Variants in GLYATL3 observed in about 807,000 individuals in gnomAD.
GLYATL3 encodes glycine-N-acyltransferase like 3.
A neutral mutation model predicts 28.5 loss-of-function variants in GLYATL3; 31 were observed. The ratio of observed to expected loss-of-function variants is 1.09; its 90% CI spans 0.82 to 1.47. GLYATL3 has a LOEUF of 1.47. Ranked by LOEUF, GLYATL3 falls within the 40% of genes most tolerant of loss-of-function variation. GLYATL3 has a pLI of 0.00. For synonymous variants in GLYATL3, 141 were observed against 140.2 expected, an observed-to-expected ratio of 1.01 and a Z score of -0.04; for missense variants, 369 against 351.5, an observed-to-expected ratio of 1.05 and a Z score of -0.40.
intron 1 of GLYATL3, among the ~76,000 whole-genome samples, chr6:49,502,977 A>C (rs1246228144): frequency 6.6e-6 from 1 of 152,154 alleles, no homozygotes; most frequent in African/African-American, 2.4e-5. Context: ...AACACATGTA[A>C]TTATGTTGGT....
chr6:49,508,382 A>C (rs1769055027), intron 1 of GLYATL3, among the ~76,000 whole-genome samples: 1 of 152,232 alleles, frequency 6.6e-6, no homozygotes, highest in Non-Finnish European at 1.5e-5. Context: ...ATTAATCAGC[A>C]GTAACAGTTG....
chr6:49,526,730 G>C lies in GLYATL3; in HGVS notation c.683G>C (p.Arg228Pro). ...GAACATCGCAGGAAAGGTTACAGCC[G>C]GCTGGTGGCCCTCACGCTGGCCAGG... ...LPEHRRKGYSRLVALTLARKL... is the reference protein window; with the variant it reads ...LPEHRRKGYSPLVALTLARKL... Residue 228 changes from arginine (R) to proline (P), a missense_variant, in exon 6 of 6, where the codon CGG becomes CCG. Transcript: ENST00000371197. The C allele has an allele frequency of 6.4e-7, 1 of 1,551,736 alleles. No homozygotes were observed. The highest frequency in any genetic ancestry group is 1.2e-5 in the South Asian group (1 of 84,058).
chr6:49,527,005 G>A lies in GLYATL3; in HGVS notation c.*91G>A. ...GAGGGGAGAGTTAAAATGGGAATCA[G>A]GGGACTCTTGAGTTGTTGGAAAGGG... On this transcript the variant is annotated 3_prime_UTR_variant, in exon 6 of 6. Coordinates refer to ENST00000371197, the MANE Select transcript of GLYATL3 (RefSeq NM_001010904.2). 1 of 969,200 alleles carries A rather than the reference G, an allele frequency of 1.0e-6. No homozygotes were observed. Among genetic ancestry groups the A allele is most frequent in the Non-Finnish European group, 1.5e-6 (1 of 672,072 alleles). 60.0% of individuals were successfully genotyped at this position (969,200 alleles called of 1,614,324 possible).
chr6:49,525,488 G>A (rs768166479), intron 5 of GLYATL3, among the ~76,000 whole-genome samples: 1 of 139,700 alleles, frequency 7.2e-6, no homozygotes, highest in African/African-American at 2.6e-5. Flanking sequence ...CGCTTGAACC[G>A]GGGAGGTGGA....
At chr6:49,502,510 C>CAGA (rs1204540562) in intron 1 of GLYATL3, among the ~76,000 whole-genome samples, 1 of 152,192 alleles carries the variant, frequency 6.6e-6, no homozygotes, top group Non-Finnish European at 1.5e-5. Flanking sequence ...TATAGAAAAT[C>CAGA]AGAAGTATTC....
chr6:49,510,972 G>T (rs918679241), intron 1 of GLYATL3, among the ~76,000 whole-genome samples: 9 of 152,146 alleles, frequency 5.9e-5, no homozygotes, highest in Non-Finnish European at 1.2e-4. Flanking sequence ...AATCACAGGG[G>T]TATGCCACAT....
chr6:49,512,280 CTTTCTTTTTTTTTTTTTTTT>C (rs1561977581), intron 2 of GLYATL3, among the ~76,000 whole-genome samples: 1 of 111,378 alleles, frequency 9.0e-6, no homozygotes, highest in African/African-American at 3.4e-5. Flanking sequence ...TTTTTTTTTT[CTTTCTTTTTTTTTTTTTTTT>C]AACTTTAAGT....
At chr6:49,516,258 T>G (rs1769214138) in intron 3 of GLYATL3, among the ~76,000 whole-genome samples, 1 of 152,038 alleles carries the variant, frequency 6.6e-6, no homozygotes, top group Non-Finnish European at 1.5e-5. Context: ...CAGCATTAGT[T>G]TCTAATTTGA....
In GLYATL3 at chr6:49,512,067, A is replaced by T; in HGVS notation, c.77A>T (p.Lys26Met). 1 of 1,170,218 alleles carries T rather than the reference A, an allele frequency of 8.5e-7. No homozygotes were observed. The allele number at this position is 1,170,218 out of a possible 1,614,324, so 72.5% of individuals were successfully genotyped here. A position where few individuals can be genotyped will look rare whatever the true frequency, so the allele number is the denominator to read the frequency against. ...MLKSCFPESL[K>M]VYGAVMNINR... ...AAGAGTTGCTTTCCTGAATCACTCA[A>T]GGTACCATAAAATTAATAATTTTAT... Residue 26 changes from lysine to methionine, a missense_variant and splice_region_variant, in exon 2 of 6, where the codon AAG becomes ATG. Lys to Met is a moderately conservative substitution (Grantham distance 95). Transcript: ENST00000371197.
chr6:49,503,473 A>ATC (rs1768950369), intron 1 of GLYATL3, among the ~76,000 whole-genome samples: 1 of 152,252 alleles, frequency 6.6e-6, no homozygotes, highest in Non-Finnish European at 1.5e-5. Flanking sequence ...AAGGAGTTAA[A>ATC]TATATGATAT....
intron 1 of GLYATL3, among the ~76,000 whole-genome samples, chr6:49,506,260 G>A (rs1385435415): frequency 6.6e-6 from 1 of 152,138 alleles, no homozygotes; most frequent in African/African-American, 2.4e-5. Context: ...TTTTAAAGAG[G>A]TAAAACATTG....
At chr6:49,526,459 C>A (rs766255984) in intron 5 of GLYATL3, 29 bp from the exon 6 acceptor site, 1 of 1,535,014 alleles carries the variant, frequency 6.5e-7, no homozygotes, top group South Asian at 1.2e-5. Flanking sequence ...GTCTGAGGTC[C>A]TATTTGTTTT....
chr6:49,516,982 C>A (rs1018488410), intron 3 of GLYATL3, among the ~76,000 whole-genome samples: 1 of 150,768 alleles, frequency 6.6e-6, no homozygotes, highest in South Asian at 2.1e-4. Context: ...ACGGTGAAAC[C>A]CCATCTCTAC....
intron 1 of GLYATL3, among the ~76,000 whole-genome samples, chr6:49,501,554 A>T (rs1330708615): frequency 1.3e-5 from 2 of 152,218 alleles, no homozygotes; most frequent in African/African-American, 4.8e-5. Flanking sequence ...AGTACAGTAT[A>T]CAGAGATAAG....
intron 4 of GLYATL3, among the ~76,000 whole-genome samples, chr6:49,518,097 C>T (rs1454546653): frequency 6.6e-6 from 1 of 152,144 alleles, no homozygotes; most frequent in Non-Finnish European, 1.5e-5. Context: ...TCATACCTCA[C>T]TGCAGCCTTG....
intron 1 of GLYATL3, among the ~76,000 whole-genome samples, chr6:49,509,897 T>C (rs1561976744): frequency 6.6e-6 from 1 of 152,174 alleles, no homozygotes; most frequent in Admixed American, 6.5e-5. Flanking sequence ...CTTTGCCAAA[T>C]TTTAATTTAA....
In GLYATL3 at chr6:49,515,747, G is replaced by A. The variant is rs769015694; in HGVS notation, c.173G>A (p.Arg58Gln). 3.9e-6 allele frequency: 6 copies of A among 1,541,664 alleles called. No individual in the cohort carries two copies. The highest frequency in any genetic ancestry group is 2.4e-5 in the East Asian group (1 of 40,872). The change falls in exon 3 of 6, where the codon CGA becomes CAA. Residue 58 changes from arginine (R) to glutamine (Q), a missense_variant. Physicochemically the swap from Arg to Gln is conservative, Grantham distance 43 (BLOSUM62 1). Transcript: ENST00000371197. ...CCGGATTTCAAAGCTGTTATCACCCGACGACAAAGAGAGGTACAGTTTTGA... is the reference window on the plus strand; with the variant it reads ...CCGGATTTCAAAGCTGTTATCACCCAACGACAAAGAGAGGTACAGTTTTGA... ...SWPDFKAVIT[R>Q]RQREAETDNL...
intron 1 of GLYATL3, among the ~76,000 whole-genome samples, chr6:49,510,146 G>A (rs12206768): frequency 0.085 from 12,864 of 151,778 alleles, 624 homozygotes; most frequent in Non-Finnish European, 0.11. Context: ...AGGTTCAAGC[G>A]ATTCTCCTAC....
rs1299527536 is a variant in GLYATL3, at chr6:49,526,985, G to A, written c.*71G>A. 1.7e-6 allele frequency: 2 copies of A among 1,174,236 alleles called. No homozygotes were observed. The highest frequency in any genetic ancestry group is 2.3e-6 in the Non-Finnish European group (2 of 857,528). 72.7% of individuals were successfully genotyped at this position (1,174,236 alleles called of 1,614,324 possible). On this transcript the variant is annotated 3_prime_UTR_variant, in exon 6 of 6. Coordinates refer to ENST00000371197, the MANE Select transcript of GLYATL3 (RefSeq NM_001010904.2). The stretch of plus-strand genomic sequence containing the variant: ...ACACACTCTTGGCTGCCAACGAGGG[G>A]AGAGTTAAAATGGGAATCAGGGGAC...
Sources: gnomAD v4.1 joint callset for allele counts (sites outside exome capture counted in the v4.1 genomes callset) on GRCh38, gnomAD v4.1.1 for gene constraint, MANE v1.5 for transcripts, NCBI Gene and HGNC (gene_info 2026-07-23, HGNC 2026-07-21) for gene names.